Variants in PCDH9 observed in about 807,000 individuals in gnomAD.
PCDH9 encodes the protein protocadherin-9.
In PCDH9, 24 loss-of-function variants were observed where a neutral mutation model predicts 70.6. That is an observed-to-expected ratio of 0.34 (90% CI 0.25 to 0.48). PCDH9 has a LOEUF of 0.48. PCDH9 is among the 20% of genes least tolerant of loss of function. The probability of loss-of-function intolerance (pLI) is 0.99; values close to 1 mark genes in which losing one functional copy is unlikely to be tolerated. For missense variants in PCDH9, 1,281 were observed against 1,503.6 expected, an observed-to-expected ratio of 0.85 and a Z score of 2.45; for synonymous variants, 562 against 558.5, an observed-to-expected ratio of 1.01 and a Z score of -0.09.
chr13:66,662,198 C>G (rs561030845), intron 3 of PCDH9, among the ~76,000 whole-genome samples: 3 of 151,952 alleles, frequency 2.0e-5, no homozygotes, highest in Admixed American at 1.3e-4. Context: ...TAAGGCCGGG[C>G]GTGGTGGCTC....
At chr13:66,790,415 G>A (rs2080145812) in intron 3 of PCDH9, among the ~76,000 whole-genome samples, 1 of 151,966 alleles carries the variant, frequency 6.6e-6, no homozygotes, top group African/African-American at 2.4e-5. Flanking sequence ...CTCTCACAAA[G>A]AGAGGTTCTA....
intron 3 of PCDH9, among the ~76,000 whole-genome samples, chr13:66,681,051 T>C (rs941196868): frequency 6.6e-6 from 1 of 152,062 alleles, no homozygotes; most frequent in African/African-American, 2.4e-5. Flanking sequence ...TCCATCATCA[T>C]AAACTACTTC....
intron 2 of PCDH9, among the ~76,000 whole-genome samples, chr13:66,972,166 T>C (rs552393788): frequency 3.9e-5 from 6 of 151,910 alleles, no homozygotes; most frequent in Non-Finnish European, 8.8e-5. Context: ...ACACACAGAA[T>C]CATACTGCAA....
intron 2 of PCDH9, chr13:67,201,764 C>T (rs928070384): frequency 1.3e-5 from 2 of 151,768 alleles, no homozygotes; most frequent in Admixed American, 1.3e-4. Context: ...GAAAATTTCC[C>T]CTATAATTCT....
rs149326199 is a variant in PCDH9, at chr13:66,903,807, C to T, written c.3037-202G>A. Among the ~76,000 whole-genome samples, 10 of 152,004 alleles carry T rather than the reference C, an allele frequency of 6.6e-5. No individual in the cohort carries two copies. In the East Asian group the frequency reaches 1.7e-3, roughly 26 times the overall value. On this transcript the variant is annotated intron_variant, in intron 2 of 4. Transcript: ENST00000377865. ...CCAGGATAAACAAATTGTTAAAACA[C>T]TTTTACTAAAACTAAAGAAATATAA...
At chr13:67,158,185 G>A (rs2087863491) in intron 2 of PCDH9, among the ~76,000 whole-genome samples, 1 of 152,160 alleles carries the variant, frequency 6.6e-6, no homozygotes, top group Non-Finnish European at 1.5e-5. Flanking sequence ...AGAGATATTA[G>A]TGCTTATTTT....
At chr13:66,878,956 A>C (rs1402031220) in intron 3 of PCDH9, among the ~76,000 whole-genome samples, 2 of 152,196 alleles carry the variant, frequency 1.3e-5, no homozygotes, top group East Asian at 3.8e-4. Flanking sequence ...ACAATTAAAC[A>C]AGGAAATGCA....
intron 4 of PCDH9, among the ~76,000 whole-genome samples, chr13:66,378,970 G>C (rs1483438691): frequency 1.3e-5 from 2 of 152,178 alleles, no homozygotes; most frequent in African/African-American, 4.8e-5. Flanking sequence ...TCTGGCCTTT[G>C]TCTCTCAAGG....
intron 2 of PCDH9, chr13:67,201,625 T>C (rs1056427080): frequency 6.6e-6 from 1 of 152,028 alleles, no homozygotes; most frequent in African/African-American, 2.4e-5. Flanking sequence ...CACCTAGTTC[T>C]TGAGCCAATT....
At chr13:67,167,643 T>C (rs2088158446) in intron 2 of PCDH9, among the ~76,000 whole-genome samples, 1 of 152,174 alleles carries the variant, frequency 6.6e-6, no homozygotes, top group Admixed American at 6.5e-5. Context: ...CTTTAAATAA[T>C]GGACTGAGGC....
intron 3 of PCDH9, among the ~76,000 whole-genome samples, chr13:66,784,780 G>A (rs143585393): frequency 1.5e-3 from 222 of 152,142 alleles, no homozygotes; most frequent in African/African-American, 5.1e-3. Flanking sequence ...AATTTAGGTT[G>A]CAAATATTAT....
Position 66,925,433 on chromosome 13 carries a change from T to C in PCDH9, c.3037-21828A>G, listed in dbSNP as rs1159022547. ...TTCTATGTATTCTGTTTTGTAGTTC[T>C]ATGGGGAGAAGCCACAATTCACAGA... is the stretch of plus-strand genomic sequence containing the variant. On this transcript the variant is annotated intron_variant, in intron 2 of 4. Transcript: ENST00000377865. Among the ~76,000 whole-genome samples the C allele has an allele frequency of 3.3e-5, 5 of 151,932 alleles. No individual in the cohort carries two copies. The East Asian group carries it at 5.8e-4, about 18-fold the overall frequency.
intron 2 of PCDH9, among the ~76,000 whole-genome samples, chr13:67,036,120 A>G (rs1475503534): frequency 6.6e-6 from 1 of 152,228 alleles, no homozygotes; most frequent in Admixed American, 6.5e-5. Context: ...TCTAAATCTT[A>G]AAAGACAAAC....
At chr13:67,027,604 A>T (rs1255038616) in intron 2 of PCDH9, among the ~76,000 whole-genome samples, 8 of 150,638 alleles carry the variant, frequency 5.3e-5, no homozygotes, top group Non-Finnish European at 8.9e-5. Flanking sequence ...TGCACAGCAA[A>T]AGAAACTACC....
intron 2 of PCDH9, among the ~76,000 whole-genome samples, chr13:67,043,659 T>C (rs1190788456): frequency 2.0e-5 from 3 of 152,110 alleles, no homozygotes; most frequent in Non-Finnish European, 4.4e-5. Context: ...GCTTAAAGTG[T>C]ATGGAAAAAT....
At chr13:66,516,211 C>A (rs1046715042) in intron 4 of PCDH9, among the ~76,000 whole-genome samples, 2 of 151,956 alleles carry the variant, frequency 1.3e-5, no homozygotes, top group Non-Finnish European at 2.9e-5. Flanking sequence ...CAAGAGTCTA[C>A]TGAATGCATA....
At chr13:66,912,327 A>G (rs2082481352) in intron 2 of PCDH9, among the ~76,000 whole-genome samples, 1 of 152,180 alleles carries the variant, frequency 6.6e-6, no homozygotes, top group South Asian at 2.1e-4. Flanking sequence ...GTTCTGAAAT[A>G]CTGACAAATA....
In PCDH9 at chr13:67,077,287, C is replaced by T. The variant is rs573447548; in HGVS notation, c.3036+148118G>A. On this transcript the variant is annotated intron_variant, in intron 2 of 4. Transcript: ENST00000377865. The stretch of plus-strand genomic sequence containing the variant: ...GCCCCTTACTGTCTGCTGAGCATAT[C>T]AGGCATGCTTTTACAGGGCCTTTGC... 2.0e-5 allele frequency among the ~76,000 whole-genome samples: 3 copies of T among 152,182 alleles called. No homozygotes were observed. In the South Asian group the frequency reaches 6.2e-4, roughly 31 times the overall value.
chr13:66,586,061 C>T (rs1401410971), intron 4 of PCDH9, among the ~76,000 whole-genome samples: 1 of 152,136 alleles, frequency 6.6e-6, no homozygotes, highest in East Asian at 1.9e-4. Flanking sequence ...AGCTATGAGA[C>T]AGGAGCAAGG....
Sources: gnomAD v4.1 joint callset for allele counts (sites outside exome capture counted in the v4.1 genomes callset) on GRCh38, gnomAD v4.1.1 for gene constraint, MANE v1.5 for transcripts, NCBI Gene and HGNC (gene_info 2026-07-23, HGNC 2026-07-21) for gene names.